SHANK2: variants seen among roughly 807,000 people sequenced by gnomAD.
The protein encoded by SHANK2 is SH3 and multiple ankyrin repeat domains 2.
In SHANK2, 43 loss-of-function variants were observed where a neutral mutation model predicts 133.7. The ratio of observed to expected loss-of-function variants is 0.32; its 90% confidence interval spans 0.25 to 0.41. SHANK2 has a LOEUF of 0.41. Ranked by LOEUF, SHANK2 falls within the 10% of genes least tolerant of loss-of-function variation. SHANK2 has a pLI of 1.00. For synonymous variants in SHANK2, 1,017 were observed against 952.8 expected (o/e 1.07, Z -1.24); for missense variants, 1,994 against 2,235.8 (o/e 0.89, Z 2.18).
At chr11:71,075,768 G>A (rs1370591296) in intron 8 of SHANK2, among the ~76,000 whole-genome samples, 4 of 152,310 alleles carry the variant, frequency 2.6e-5, no homozygotes, top group East Asian at 1.9e-4. Context: ...GTCCTTCGAC[G>A]TGCGACGGAC....
At chr11:71,163,868 C>T (rs1159903574) in intron 2 of SHANK2, among the ~76,000 whole-genome samples, 1 of 152,162 alleles carries the variant, frequency 6.6e-6, no homozygotes, top group Non-Finnish European at 1.5e-5. Flanking sequence ...AATATCTATA[C>T]ATGCGTGCTT....
chr11:70,695,500 G>C (rs1555022043), intron 15 of SHANK2, among the ~76,000 whole-genome samples: 2 of 152,188 alleles, frequency 1.3e-5, no homozygotes, highest in Non-Finnish European at 1.5e-5. Context: ...GCTTTGGGAG[G>C]TGCTGACTGT....
chr11:70,828,152 T>G (rs1555057604), intron 11 of SHANK2, among the ~76,000 whole-genome samples: 1 of 152,126 alleles, frequency 6.6e-6, no homozygotes, highest in African/African-American at 2.4e-5. Flanking sequence ...GGTGTGGTCG[T>G]GCGCCTGTGG....
intron 17 of SHANK2, among the ~76,000 whole-genome samples, chr11:70,602,668 T>C (rs570310126): frequency 6.6e-6 from 1 of 152,350 alleles, no homozygotes; most frequent in East Asian, 1.9e-4. Context: ...TCCCACTGAA[T>C]AGTTGGACAT....
intron 17 of SHANK2, among the ~76,000 whole-genome samples, chr11:70,626,574 G>T (rs145328109): frequency 6.6e-6 from 1 of 152,162 alleles, no homozygotes. Flanking sequence ...GGCAGAGCTC[G>T]TCAGTCAGTC....
At chr11:71,118,552 T>C (rs1952025221) in intron 4 of SHANK2, among the ~76,000 whole-genome samples, 1 of 150,944 alleles carries the variant, frequency 6.6e-6, no homozygotes, top group Non-Finnish European at 1.5e-5. Context: ...GAGAACAGCA[T>C]GGGAAACCGC....
intron 25 of SHANK2, chr11:70,474,345 C>T (rs534435806): frequency 3.9e-5 from 6 of 152,426 alleles, no homozygotes; most frequent in East Asian, 3.9e-4. Flanking sequence ...TGTGCCTTGC[C>T]GCTCTGGCTG....
chr11:70,708,144 T>C (rs1469001266), intron 14 of SHANK2, among the ~76,000 whole-genome samples: 1 of 152,194 alleles, frequency 6.6e-6, no homozygotes, highest in Non-Finnish European at 1.5e-5. Context: ...CCAAGGTCCA[T>C]TTCTTCATGC....
intron 14 of SHANK2, among the ~76,000 whole-genome samples, chr11:70,764,866 G>C (rs1947085335): frequency 6.6e-6 from 1 of 150,856 alleles, no homozygotes; most frequent in Non-Finnish European, 1.5e-5. Context: ...CATCCAGTTG[G>C]TCACATATTT....
Position 71,207,580 on chromosome 11 carries a change from TC to T in SHANK2, c.-13+17116del, listed in dbSNP as rs1188923041. ...ATTACATTCTCTCTGATTTTTCCCT[TC>T]TTCTTTCCAAGAAAAGGGGAAATTA... On this transcript the variant is annotated intron_variant, in intron 2 of 25. Transcript: ENST00000601538. Among the ~76,000 whole-genome samples the T allele has an allele frequency of 2.6e-5, 4 of 152,340 alleles. No individual in the cohort carries two copies. The East Asian group carries it at 7.7e-4, about 29-fold the overall frequency.
intron 3 of SHANK2, among the ~76,000 whole-genome samples, chr11:71,120,917 C>T (rs1952073915): frequency 6.6e-6 from 1 of 152,222 alleles, no homozygotes; most frequent in Non-Finnish European, 1.5e-5. Flanking sequence ...TGGAGGAGCA[C>T]AGGGCTCCAA....
At chr11:71,204,067 G>A (rs1434933021) in intron 2 of SHANK2, among the ~76,000 whole-genome samples, 1 of 152,224 alleles carries the variant, frequency 6.6e-6, no homozygotes, top group African/African-American at 2.4e-5. Flanking sequence ...TAAGGACTCT[G>A]TGAGTCCTTC....
At chr11:70,576,654 A>ACAAG (rs2060120151) in intron 17 of SHANK2, among the ~76,000 whole-genome samples, 1 of 151,896 alleles carries the variant, frequency 6.6e-6, no homozygotes, top group African/African-American at 2.4e-5. Context: ...AAACAAACAA[A>ACAAG]CAAAAAACCC....
At chr11:70,762,956 G>A (rs1484173966) in intron 14 of SHANK2, among the ~76,000 whole-genome samples, 3 of 152,168 alleles carry the variant, frequency 2.0e-5, no homozygotes, top group East Asian at 1.9e-4. Flanking sequence ...ATGGGAGCAC[G>A]CTCACCTGCA....
intron 10 of SHANK2, among the ~76,000 whole-genome samples, chr11:70,930,208 A>G (rs555605403): frequency 9.3e-4 from 142 of 152,334 alleles, no homozygotes; most frequent in African/African-American, 3.3e-3. Flanking sequence ...TGAGGATCAG[A>G]AAGTCCTGCC....
At chr11:70,683,598 G>T (rs1183824565) in intron 15 of SHANK2, among the ~76,000 whole-genome samples, 1 of 152,196 alleles carries the variant, frequency 6.6e-6, no homozygotes, top group African/African-American at 2.4e-5. Flanking sequence ...GTATCAGCAT[G>T]ACCACTGTGG....
intron 8 of SHANK2, among the ~76,000 whole-genome samples, chr11:71,077,276 T>C (rs914993176): frequency 5.0e-4 from 76 of 152,326 alleles, no homozygotes; most frequent in African/African-American, 1.8e-3. Flanking sequence ...CAACTAATGT[T>C]AGCATAAAAA....
intron 10 of SHANK2, chr11:70,942,901 G>A: frequency 2.2e-6 from 1 of 455,972 alleles, no homozygotes. Context: ...GAGGGTTCTG[G>A]GTCTGGTGCT....
chr11:70,556,598 T>C (rs1211810871), intron 17 of SHANK2, among the ~76,000 whole-genome samples: 7 of 150,744 alleles, frequency 4.6e-5, no homozygotes, highest in African/African-American at 1.2e-4. Flanking sequence ...TTCTTTTTTT[T>C]TTTTTTTTCT....
Sources: allele counts gnomAD v4.1 joint callset (sites outside exome capture counted in the v4.1 genomes callset), GRCh38; gene constraint gnomAD v4.1.1; transcripts MANE v1.5; gene names NCBI Gene and HGNC (gene_info 2026-07-23, HGNC 2026-07-21).